Variants in ZNF764 observed in about 807,000 individuals in gnomAD.
ZNF764 encodes zinc finger protein 764.
ZNF764 carries 10 observed loss-of-function variants against 13.9 expected under a neutral mutation model. The ratio of observed to expected loss-of-function variants is 0.72; its 90% CI spans 0.44 to 1.22. The LOEUF (loss-of-function observed/expected upper bound fraction) is 1.22, where lower values mean the gene tolerates loss of function less well. ZNF764 is among the 50% of genes most tolerant of loss of function. The probability of loss-of-function intolerance (pLI) is 0.00; values close to 1 mark genes in which losing one functional copy is unlikely to be tolerated. For missense variants in ZNF764, 647 were observed against 589.7 expected, an observed-to-expected ratio of 1.10 and a Z score of -1.01; for synonymous variants, 313 against 255.1, an observed-to-expected ratio of 1.23 and a Z score of -2.16.
Position 30,555,425 on chromosome 16 carries a change from G to A in ZNF764, c.993C>T (p.Ala331=), listed in dbSNP as rs1264872413. Residue 331 remains alanine, a synonymous_variant, in exon 3 of 3, where the codon GCC becomes GCT. Coordinates refer to ENST00000395091, the MANE Select transcript of ZNF764 (RefSeq NM_001172679.2). Reference sequence around the variant, plus strand: ...TCTCGCCGCTGTGGGTGCGCCTGTGGGCTGCCATCTCCGAGCTCTGGCGGA... The same window carrying A: ...TCTCGCCGCTGTGGGTGCGCCTGTGAGCTGCCATCTCCGAGCTCTGGCGGA... ...RCFRQSSEMA[A]HRRTHSGEKP... is the part of the protein sequence containing the mutation. 1 of 1,560,344 alleles carries A rather than the reference G, an allele frequency of 6.4e-7. No individual in the cohort carries two copies. Among genetic ancestry groups the A allele is most frequent in the Non-Finnish European group, 8.7e-7 (1 of 1,148,918 alleles).
In ZNF764 at chr16:30,555,146, G is replaced by A. The variant is rs377309502; in HGVS notation, c.*48C>T. 3.2e-4 allele frequency: 489 copies of A among 1,545,656 alleles called. 7 individuals are homozygous for A. In the South Asian group the frequency reaches 5.8e-3, roughly 18 times the overall value. Reference sequence around the variant, plus strand: ...CCGCCGCAGAGGTTCGGGCCCCTGAGCCCATCTCGGGCCTCCCGTAATGTC... The same window carrying A: ...CCGCCGCAGAGGTTCGGGCCCCTGAACCCATCTCGGGCCTCCCGTAATGTC... On this transcript the variant is annotated 3_prime_UTR_variant, in exon 3 of 3. Transcript: ENST00000395091.
chr16:30,555,322 G>A lies in ZNF764; in HGVS notation c.1096C>T (p.Pro366Ser), dbSNP rs2051539806. 1.2e-6 allele frequency: 2 copies of A among 1,609,542 alleles called. No homozygotes were observed. Among genetic ancestry groups the A allele is most frequent in the Non-Finnish European group, 1.7e-6 (2 of 1,178,132 alleles). The change falls in exon 3 of 3, where the codon CCC (proline) becomes TCC (serine). Residue 366 changes from proline (P) to serine (S), a missense_variant. By Grantham distance (74) the Pro-to-Ser change is moderately conservative (BLOSUM62 -1). Transcript: ENST00000395091. ...AVAKHQWVHR[P>S]GAGGHRGRVA... ...CGGCCCCTGTGGCCCCCGGCCCCGG[G>A]CCGATGAACCCACTGGTGTTTGGCC...
rs1368109114 is a variant in ZNF764, at chr16:30,556,036, C to T, written c.382G>A (p.Ala128Thr). Reference sequence around the variant, plus strand: ...GGAGACTTCAGCCCAGGAGACCCGGCGGCCACAGGGTCGGGCTTCTCCAGG... The same window carrying T: ...GGAGACTTCAGCCCAGGAGACCCGGTGGCCACAGGGTCGGGCTTCTCCAGG... ...GALEKPDPVA[A>T]GSPGLKSPQA... The change falls in exon 3 of 3, where the codon GCC becomes ACC. Residue 128 changes from alanine to threonine, a missense_variant. Ala to Thr is a moderately conservative substitution (Grantham distance 58, BLOSUM62 0). Coordinates refer to ENST00000395091, the MANE Select transcript of ZNF764 (RefSeq NM_001172679.2). 3 of 1,612,766 alleles carry T rather than the reference C, an allele frequency of 1.9e-6. No homozygotes were observed. The highest frequency in any genetic ancestry group is 1.3e-5 in the African/African-American group (1 of 74,900).
chr16:30,555,652 T>G lies in ZNF764; in HGVS notation c.766A>C (p.Lys256Gln), dbSNP rs964882330. Residue 256 changes from lysine to glutamine, a missense_variant, in exon 3 of 3, where the codon AAA (lysine) becomes CAA (glutamine). Coordinates refer to ENST00000395091, the MANE Select transcript of ZNF764 (RefSeq NM_001172679.2). ...TSHLRVHTGEKPYGCADCGRR... is the reference protein window; with the variant it reads ...TSHLRVHTGEQPYGCADCGRR... ...CCACAGTCGGCGCAGCCATAGGGTTTCTCGCCGGTGTGGACGCGCAGGTGC... is the reference window on the plus strand; with the variant it reads ...CCACAGTCGGCGCAGCCATAGGGTTGCTCGCCGGTGTGGACGCGCAGGTGC... 5.8e-6 allele frequency: 9 copies of G among 1,544,246 alleles called. No homozygotes were observed. The highest frequency in any genetic ancestry group is 7.8e-6 in the Non-Finnish European group (9 of 1,149,246).
chr16:30,554,918 C>T lies in ZNF764; in HGVS notation c.*276G>A. 1 of 453,530 alleles carries T rather than the reference C, an allele frequency of 2.2e-6. No homozygotes were observed. Among genetic ancestry groups the T allele is most frequent in the Non-Finnish European group, 3.8e-6 (1 of 260,656 alleles). The allele number at this position is 453,530 out of a possible 1,614,324, so 28.1% of individuals were successfully genotyped here. A position where few individuals can be genotyped will look rare whatever the true frequency, so the allele number is the denominator to read the frequency against. ...TCCTCTACCTCAGTCCTCTTAGCAC[C>T]TCTGGGCTGAGAAACAGCTTTTGGT... On this transcript the variant is annotated 3_prime_UTR_variant, in exon 3 of 3. Coordinates refer to ENST00000395091, the MANE Select transcript of ZNF764 (RefSeq NM_001172679.2).
intron 1 of ZNF764, 22 bp downstream of exon 1, chr16:30,557,965 G>A: frequency 6.3e-7 from 1 of 1,586,478 alleles, no homozygotes; most frequent in Non-Finnish European, 8.6e-7. Flanking sequence ...GCAGGGCTCA[G>A]GCGAGCAGGT....
chr16:30,555,708 C>T lies in ZNF764; in HGVS notation c.710G>A (p.Arg237Gln), dbSNP rs758930910. Residue 237 changes from arginine to glutamine, a missense_variant, in exon 3 of 3, where the codon CGG becomes CAG. Coordinates refer to ENST00000395091, the MANE Select transcript of ZNF764 (RefSeq NM_001172679.2). ...CAGCGCCGAGCGCTGCGTGAAGGCC[C>T]GGCCACACTCCAGACAGCGGTGGGG... The part of the protein sequence containing the change: ...ERPHRCLECG[R>Q]AFTQRSALTS... 1.2e-5 allele frequency: 19 copies of T among 1,584,920 alleles called. No individual in the cohort carries two copies. The highest frequency in any genetic ancestry group is 1.5e-5 in the Non-Finnish European group (17 of 1,168,352).
Position 30,555,260 on chromosome 16 carries a change from G to C in ZNF764, c.1158C>G (p.Gly386=). The C allele has an allele frequency of 6.2e-7, 1 of 1,612,510 alleles. No individual in the cohort carries two copies. Residue 386 remains glycine, a synonymous_variant, in exon 3 of 3, where the codon GGC becomes GGG. Coordinates refer to ENST00000395091, the MANE Select transcript of ZNF764 (RefSeq NM_001172679.2). The part of the protein sequence containing the change: ...AGRLSVTLTP[G]HGDLDPPVGF... ...CCACGGGCGGGTCCAGGTCTCCGTG[G>C]CCAGGGGTCAGGGTCACAGACAGAC... is the stretch of plus-strand genomic sequence containing the variant.
At position 30,557,777 on chromosome 16, in the gene ZNF764, G is replaced by A; in HGVS notation, c.266C>T (p.Ala89Val). 1 of 1,613,448 alleles carries A rather than the reference G, an allele frequency of 6.2e-7. No individual in the cohort carries two copies. Among genetic ancestry groups the A allele is most frequent in the Non-Finnish European group, 8.5e-7 (1 of 1,179,696 alleles). Residue 89 changes from alanine to valine, a missense_variant, in exon 2 of 3, where the codon GCC (alanine) becomes GTC (valine). Ala to Val is a moderately conservative substitution (Grantham distance 64). Transcript: ENST00000395091. ...ACATTTCGCCACCTCCGGATCCTGG[G>A]CAGCCGGACCCCACAGTTCGGCCTC... ...EEEAELWGPA[A>V]QDPEVAKCQT... is the part of the protein sequence containing the mutation.
chr16:30,556,252 G>A (rs1259798298), intron 2 of ZNF764, 145 bp from the exon 3 acceptor site: 22 of 919,054 alleles, frequency 2.4e-5, no homozygotes, highest in Non-Finnish European at 3.6e-5. Context: ...CGGCTGCAGA[G>A]CCAGACAGAG....
Position 30,555,423 on chromosome 16 carries a change from T to TG in ZNF764, c.994dup (p.His332ProfsTer85). On this transcript the variant is annotated frameshift_variant, in exon 3 of 3. Coordinates refer to ENST00000395091, the MANE Select transcript of ZNF764 (RefSeq NM_001172679.2). LOFTEE classifies it low-confidence loss of function (END_TRUNC). ...CTTCTCGCCGCTGTGGGTGCGCCTG[T>TG]GGGCTGCCATCTCCGAGCTCTGGCG... 1 of 1,561,218 alleles carries TG rather than the reference T, an allele frequency of 6.4e-7. No homozygotes were observed. Among genetic ancestry groups the TG allele is most frequent in the Non-Finnish European group, 8.7e-7 (1 of 1,149,114 alleles).
chr16:30,555,865 AG>A lies in ZNF764; in HGVS notation c.552del (p.Trp185GlyfsTer33). 1 of 1,612,222 alleles carries A rather than the reference AG, an allele frequency of 6.2e-7. No individual in the cohort carries two copies. Among genetic ancestry groups the A allele is most frequent in the South Asian group, 1.1e-5 (1 of 91,002 alleles). On this transcript the variant is annotated frameshift_variant, in exon 3 of 3. Transcript: ENST00000395091. LOFTEE classifies it low-confidence loss of function (END_TRUNC). ...ACGTGCTCCACCAGTGTGGAGCGCC[AG>A]GCAAAGCTCTTCCCGCACACGTAGC... ...HGCYVCGKSF[A>X]WRSTLVEHVY...
chr16:30,557,139 C>CA (rs1164058299), intron 2 of ZNF764, among the ~76,000 whole-genome samples: 1,166 of 55,786 alleles, frequency 0.021, 7 homozygotes, highest in Admixed American at 0.036. Flanking sequence ...GACTCTGTCT[C>CA]AAAAAAAAAA....
At chr16:30,556,982 AAAAC>A (rs1376804640) in intron 2 of ZNF764, among the ~76,000 whole-genome samples, 1 of 152,056 alleles carries the variant, frequency 6.6e-6, no homozygotes, top group African/African-American at 2.4e-5. Context: ...TAAAAACACA[AAAAC>A]AAAATTAGCC....
chr16:30,554,963 G>A lies in ZNF764; in HGVS notation c.*231C>T. 1.9e-6 allele frequency: 1 copy of A among 528,594 alleles called. No individual in the cohort carries two copies. The highest frequency in any genetic ancestry group is 3.3e-5 in the East Asian group (1 of 29,972). The allele number at this position is 528,594 out of a possible 1,614,324, so 32.7% of individuals were successfully genotyped here. A position where few individuals can be genotyped will look rare whatever the true frequency, so the allele number is the denominator to read the frequency against. Reference sequence around the variant, plus strand: ...TTTGGTTCCCCTTATGTAGGTCTGGGGGTTCTCAACTCAGCCCTGCCTCAG... The same window carrying A: ...TTTGGTTCCCCTTATGTAGGTCTGGAGGTTCTCAACTCAGCCCTGCCTCAG... On this transcript the variant is annotated 3_prime_UTR_variant, in exon 3 of 3. Transcript: ENST00000395091.
Position 30,555,491 on chromosome 16 carries a change from G to T in ZNF764, c.927C>A (p.Thr309=), listed in dbSNP as rs749928326. 6.5e-7 allele frequency: 1 copy of T among 1,545,606 alleles called. No individual in the cohort carries two copies. The highest frequency in any genetic ancestry group is 8.7e-7 in the Non-Finnish European group (1 of 1,150,796). Residue 309 remains threonine, a synonymous_variant, in exon 3 of 3, where the codon ACC becomes ACA. Transcript: ENST00000395091. ...SDLRRHVRTH[T]GEKPYPCPDC... ...CCGGGCACGGGTAGGGCTTCTCGCC[G>T]GTGTGGGTGCGCACGTGGCGCCGCA...
At position 30,554,178 on chromosome 16, in the gene ZNF764, C is replaced by T; in HGVS notation, c.*1016G>A. 1 of 152,178 alleles carries T rather than the reference C, an allele frequency of 6.6e-6. No homozygotes were observed. The highest frequency in any genetic ancestry group is 1.9e-4 in the East Asian group (1 of 5,206). 9.4% of individuals were successfully genotyped at this position (152,178 alleles called of 1,614,324 possible). On this transcript the variant is annotated 3_prime_UTR_variant, in exon 3 of 3. Transcript: ENST00000395091. ...GATTTTTCAAAAGACACCAGAAAAC[C>T]TGTATTTGGTTGTAAAATATCCTTT...
At position 30,555,693 on chromosome 16, in the gene ZNF764, C is replaced by T. The variant is rs917246100; in HGVS notation, c.725G>A (p.Arg242His). The T allele has an allele frequency of 6.4e-7, 1 of 1,571,484 alleles. No individual in the cohort carries two copies. The highest frequency in any genetic ancestry group is 8.6e-7 in the Non-Finnish European group (1 of 1,161,792). ...GCGCAGGTGCGAAGTCAGCGCCGAG[C>T]GCTGCGTGAAGGCCCGGCCACACTC... ...CLECGRAFTQRSALTSHLRVH... is the reference protein window; with the variant it reads ...CLECGRAFTQHSALTSHLRVH... The change falls in exon 3 of 3, where the codon CGC becomes CAC. Residue 242 changes from arginine (R) to histidine (H), a missense_variant. Transcript: ENST00000395091.
chr16:30,555,227 C>T lies in ZNF764; in HGVS notation c.1191G>A (p.Gln397=), dbSNP rs762447550. ...HGDLDPPVGF[Q]LYPEIFQECG ...ACTCCTGGAATATCTCCGGGTACAG[C>T]TGGAAGCCCACGGGCGGGTCCAGGT... Residue 397 remains glutamine, a synonymous_variant, in exon 3 of 3, where the codon CAG becomes CAA. Transcript: ENST00000395091. The T allele has an allele frequency of 1.2e-6, 2 of 1,611,464 alleles. No homozygotes were observed. Among genetic ancestry groups the T allele is most frequent in the East Asian group, 2.2e-5 (1 of 44,818 alleles).
Sources: gnomAD v4.1 joint callset for allele counts (sites outside exome capture counted in the v4.1 genomes callset) on GRCh38, gnomAD v4.1.1 for gene constraint, MANE v1.5 for transcripts, NCBI Gene and HGNC (gene_info 2026-07-23, HGNC 2026-07-21) for gene names.